Variants in TUBGCP3 observed in about 807,000 individuals in gnomAD.
TUBGCP3 encodes gamma-tubulin complex component 3.
In TUBGCP3, 50 loss-of-function variants were observed where a neutral mutation model predicts 123.1. The ratio of observed to expected loss-of-function variants is 0.41; its 90% CI spans 0.32 to 0.51. The LOEUF is 0.51. Ranked by LOEUF, TUBGCP3 falls within the 20% of genes least tolerant of loss-of-function variation. The pLI, the probability that TUBGCP3 is intolerant of heterozygous loss-of-function variation, is 0.36. For synonymous variants in TUBGCP3, 405 were observed against 413.9 expected, an observed-to-expected ratio of 0.98 and a Z score of 0.26; for missense variants, 882 against 1,127.0, an observed-to-expected ratio of 0.78 and a Z score of 3.11.
intron 11 of TUBGCP3, among the ~76,000 whole-genome samples, chr13:112,532,984 G>A (rs1877710945): frequency 6.6e-6 from 1 of 152,200 alleles, no homozygotes. Flanking sequence ...ATGTCATCTG[G>A]AAGTTTTTCT....
chr13:112,494,578 C>A (rs1880398889), intron 20 of TUBGCP3, among the ~76,000 whole-genome samples: 1 of 152,210 alleles, frequency 6.6e-6, no homozygotes, highest in Admixed American at 6.5e-5. Flanking sequence ...TTTCCTTGAG[C>A]CACACCACTC....
At chr13:112,525,029 G>C (rs144808105) in intron 13 of TUBGCP3, among the ~76,000 whole-genome samples, 2 of 152,144 alleles carry the variant, frequency 1.3e-5, no homozygotes, top group Non-Finnish European at 2.9e-5. Context: ...CCTGTCCAGA[G>C]AGCCAAGTCC....
chr13:112,590,066 T>A (rs1566601443), upstream of TUBGCP3, among the ~76,000 whole-genome samples: 1 of 151,768 alleles, frequency 6.6e-6, no homozygotes, highest in Non-Finnish European at 1.5e-5. Context: ...GAACTCCACC[T>A]CCTGGGTTCA....
At position 112,522,503 on chromosome 13, in the gene TUBGCP3, T is replaced by C. The variant is rs200753524; in HGVS notation, c.1562A>G (p.Asp521Gly). The C allele has an allele frequency of 9.2e-5, 149 of 1,610,980 alleles. 1 individual carries two copies. In the Middle Eastern group the frequency reaches 1.2e-3, roughly 13 times the overall value. The change falls in exon 14 of 22, where the codon GAC becomes GGC. Residue 521 changes from aspartate to glycine, a missense_variant. Physicochemically the swap from Asp to Gly is moderately conservative, Grantham distance 94. Coordinates refer to ENST00000261965, the MANE Select transcript of TUBGCP3 (RefSeq NM_006322.6). ...KSAESPQDAA[D>G]LFTDLENAFQ... ...TGCATTTTCCAAGTCTGTGAATAGGTCTGCAGCTGTAAAGAACAACAGGGA... is the reference window on the plus strand; with the variant it reads ...TGCATTTTCCAAGTCTGTGAATAGGCCTGCAGCTGTAAAGAACAACAGGGA...
At chr13:112,543,220 TG>T in intron 11 of TUBGCP3, among the ~76,000 whole-genome samples, 1 of 152,254 alleles carries the variant, frequency 6.6e-6, no homozygotes, top group Admixed American at 6.5e-5. Flanking sequence ...TTCATCTTAA[TG>T]GAGGAAGGGG....
intron 11 of TUBGCP3, among the ~76,000 whole-genome samples, chr13:112,539,032 G>GA (rs1878288053): frequency 6.6e-6 from 1 of 152,138 alleles, no homozygotes; most frequent in South Asian, 2.1e-4. Flanking sequence ...GGGTCTAACA[G>GA]AAAAAACAGA....
rs1268102973 is a variant in TUBGCP3 at position 112,485,303 on chromosome 13, GTTGCACTGTATAAGAGTATT to G, written c.*670_*689del. 6.6e-6 allele frequency: 1 copy of G among 152,486 alleles called. No individual in the cohort carries two copies. The highest frequency in any genetic ancestry group is 1.9e-4 in the East Asian group (1 of 5,202). The allele number at this position is 152,486 out of a possible 1,614,324, so 9.4% of individuals were successfully genotyped here. On this transcript the variant is annotated 3_prime_UTR_variant, in exon 22 of 22. Transcript: ENST00000261965. ...TAGCTGATGCATTCGCGGTATTTGG[GTTGCACTGTATAAGAGTATT>G]TTTGTTCTCTATCACTCCTACTTTT...
chr13:112,573,287 A>T (rs1341183113), intron 1 of TUBGCP3, among the ~76,000 whole-genome samples: 1 of 151,882 alleles, frequency 6.6e-6, no homozygotes, highest in East Asian at 1.9e-4. Flanking sequence ...TGTTTTTTAA[A>T]ATAAGTAGAA....
At chr13:112,550,958 G>T (rs953648603) in intron 8 of TUBGCP3, among the ~76,000 whole-genome samples, 2 of 152,168 alleles carry the variant, frequency 1.3e-5, no homozygotes, top group Non-Finnish European at 2.9e-5. Context: ...AATTAGCCGG[G>T]CGTGGTGGTG....
the TUBGCP3 span, chr13:112,605,146 A>C: frequency 6.6e-6 from 1 of 152,094 alleles, no homozygotes; most frequent in Non-Finnish European, 1.5e-5. Context: ...GTTTCTACTA[A>C]AAATACAAAA....
At chr13:112,563,828 T>C (rs9577378) in intron 3 of TUBGCP3, among the ~76,000 whole-genome samples, 22,871 of 151,584 alleles carry the variant, frequency 0.15, 2,053 homozygotes, top group Non-Finnish European at 0.21. Context: ...TGAGCCCAGA[T>C]TGCGCCACTG....
upstream of TUBGCP3, among the ~76,000 whole-genome samples, chr13:112,591,259 A>T (rs1882877376): frequency 6.6e-6 from 1 of 152,212 alleles, no homozygotes; most frequent in African/African-American, 2.4e-5. Context: ...GTCAATTTGG[A>T]CTTCATCTCA....
intron 20 of TUBGCP3, among the ~76,000 whole-genome samples, chr13:112,497,798 T>A (rs1037428274): frequency 8.5e-5 from 13 of 152,182 alleles, no homozygotes; most frequent in Admixed American, 2.6e-4. Context: ...ATCTAACATA[T>A]CTAACATAGA....
intron 2 of TUBGCP3, among the ~76,000 whole-genome samples, chr13:112,567,541 G>T (rs1337873124): frequency 6.6e-6 from 1 of 152,176 alleles, no homozygotes; most frequent in South Asian, 2.1e-4. Context: ...TATAGACATT[G>T]AGGAAAATAA....
upstream of TUBGCP3, among the ~76,000 whole-genome samples, chr13:112,591,948 T>C (rs1236205876): frequency 3.3e-5 from 5 of 152,232 alleles, no homozygotes; most frequent in East Asian, 7.7e-4. Context: ...ATATCAAAGA[T>C]CCCTGGCCCA....
Position 112,526,991 on chromosome 13 carries a change from G to C in TUBGCP3, c.1506C>G (p.Pro502=), listed in dbSNP as rs1280006979. The change falls in exon 13 of 22, where the codon CCC becomes CCG. Residue 502 remains proline (P), a synonymous_variant. Coordinates refer to ENST00000261965, the MANE Select transcript of TUBGCP3 (RefSeq NM_006322.6). Reference sequence around the variant, plus strand: ...TGGTCACAGCTATCATCTTTGTAGTGGGAGTCTGATCATGACAAACTTGGT... The same window carrying C: ...TGGTCACAGCTATCATCTTTGTAGTCGGAGTCTGATCATGACAAACTTGGT... ...FLHQVCHDQT[P]TTKMIAVTKS... The C allele has an allele frequency of 6.8e-6, 11 of 1,614,134 alleles. No homozygotes were observed. The highest frequency in any genetic ancestry group is 9.3e-6 in the Non-Finnish European group (11 of 1,180,020).
At chr13:112,555,363 C>T (rs61962886) in intron 6 of TUBGCP3, among the ~76,000 whole-genome samples, 128 of 152,328 alleles carry the variant, frequency 8.4e-4, no homozygotes, top group Non-Finnish European at 1.5e-3. Context: ...TCAGATGCTC[C>T]TCACCTTTGC....
At chr13:112,541,063 T>G (rs78451902) in intron 11 of TUBGCP3, among the ~76,000 whole-genome samples, 2 of 152,170 alleles carry the variant, frequency 1.3e-5, no homozygotes. Context: ...AGTTTAAACA[T>G]ATTAAAGAAA....
rs1320655386 is a variant in TUBGCP3, at chr13:112,516,429, T to C, written c.2086+11A>G. ...AGTGTGTGCGGACCCGTGACCGTGC[T>C]GGGGGCTCACCTGGCATGTTTCTCA... On this transcript the variant is annotated intron_variant, in intron 17 of 21. Transcript: ENST00000261965. 5 of 1,590,886 alleles carry C rather than the reference T, an allele frequency of 3.1e-6. No individual in the cohort carries two copies. In the African/African-American group the frequency reaches 4.0e-5, roughly 13 times the overall value.
Sources: allele counts gnomAD v4.1 joint callset (sites outside exome capture counted in the v4.1 genomes callset), GRCh38; gene constraint gnomAD v4.1.1; transcripts MANE v1.5; gene names NCBI Gene and HGNC (gene_info 2026-07-23, HGNC 2026-07-21).